DNAH11: variants seen among roughly 807,000 people sequenced by gnomAD.
DNAH11 encodes the protein dynein axonemal heavy chain 11.
DNAH11 carries 442 observed loss-of-function variants against 526.0 expected under a neutral mutation model. That is an observed-to-expected ratio of 0.84 (90% CI 0.78 to 0.91). DNAH11 has a LOEUF of 0.91. DNAH11 is among the 40% of genes least tolerant of loss of function. DNAH11 has a pLI of 0.00. For missense variants in DNAH11, 6,989 were observed against 5,448.7 expected (o/e 1.28, Z -8.90); for synonymous variants, 2,461 against 1,935.9 (o/e 1.27, Z -7.12).
chr7:21,744,308 G>A (rs1232058030), intron 49 of DNAH11, 130 bp from the exon 50 acceptor site: 8 of 1,024,892 alleles, frequency 7.8e-6, no homozygotes, highest in African/African-American at 3.2e-5. Context: ...ACACGAACAC[G>A]CACATTACTA....
At chr7:21,779,481 T>A (rs1468574561) in intron 57 of DNAH11, among the ~76,000 whole-genome samples, 1 of 152,184 alleles carries the variant, frequency 6.6e-6, no homozygotes, top group African/African-American at 2.4e-5. Context: ...CAAAGCCCAT[T>A]CCGTCACTTT....
At chr7:21,834,050 A>G (rs1466863692) in intron 65 of DNAH11, among the ~76,000 whole-genome samples, 2 of 152,206 alleles carry the variant, frequency 1.3e-5, no homozygotes, top group African/African-American at 4.8e-5. Context: ...CAGAATATAT[A>G]TTCTTCTCAT....
chr7:21,721,058 C>T (rs1314550515), intron 44 of DNAH11, among the ~76,000 whole-genome samples: 2 of 152,132 alleles, frequency 1.3e-5, no homozygotes, highest in Admixed American at 6.5e-5. Context: ...AAATCCATAC[C>T]CTCCAGCCTG....
chr7:21,616,992 T>C (rs1346161935), intron 22 of DNAH11, among the ~76,000 whole-genome samples: 1 of 152,186 alleles, frequency 6.6e-6, no homozygotes, highest in South Asian at 2.1e-4. Context: ...ATTATGCCAG[T>C]CCCAAAGACC....
At chr7:21,553,485 A>T (rs970890691) in intron 2 of DNAH11, among the ~76,000 whole-genome samples, 1 of 152,074 alleles carries the variant, frequency 6.6e-6, no homozygotes, top group Non-Finnish European at 1.5e-5. Flanking sequence ...ATCAACCAAA[A>T]ATGTCACTTC....
rs1783901380 is a variant in DNAH11, at chr7:21,880,897, A to C, written c.12387+4A>C. 2.1e-5 allele frequency: 33 copies of C among 1,595,108 alleles called. No homozygotes were observed. Among genetic ancestry groups the C allele is most frequent in the Non-Finnish European group, 2.6e-5 (30 of 1,174,832 alleles). ...CTACTTAGAGGCAAACTCTAAAGTA[A>C]GTGCTAGTGGTCAAATAACCTCTTC... is the stretch of plus-strand genomic sequence containing the variant. On this transcript the variant is annotated splice_donor_region_variant and intron_variant, in intron 75 of 81. Transcript: ENST00000409508.
At chr7:21,646,336 C>G (rs928361451) in intron 28 of DNAH11, among the ~76,000 whole-genome samples, 1 of 152,178 alleles carries the variant, frequency 6.6e-6, no homozygotes, top group African/African-American at 2.4e-5. Context: ...TTTCTAGACG[C>G]TGGACATCAG....
At chr7:21,733,877 G>T (rs906226217) in intron 45 of DNAH11, among the ~76,000 whole-genome samples, 3 of 152,090 alleles carry the variant, frequency 2.0e-5, no homozygotes, top group African/African-American at 7.2e-5. Context: ...ACAAAAAGAA[G>T]AAATATATCC....
intron 66 of DNAH11, among the ~76,000 whole-genome samples, chr7:21,844,131 C>T (rs1351834209): frequency 6.6e-6 from 1 of 152,184 alleles, no homozygotes; most frequent in African/African-American, 2.4e-5. Context: ...AAAACACAGC[C>T]ATGGCCAAAC....
At chr7:21,650,181 C>G (rs1298486926) in intron 28 of DNAH11, among the ~76,000 whole-genome samples, 1 of 151,854 alleles carries the variant, frequency 6.6e-6, no homozygotes, top group African/African-American at 2.4e-5. Flanking sequence ...AAAGAAACAC[C>G]AAATCAACCT....
At chr7:21,728,719 A>T (rs997635333) in intron 45 of DNAH11, among the ~76,000 whole-genome samples, 3 of 152,248 alleles carry the variant, frequency 2.0e-5, no homozygotes, top group South Asian at 4.1e-4. Context: ...TGAACTTACA[A>T]AACCAGAGAA....
intron 69 of DNAH11, among the ~76,000 whole-genome samples, chr7:21,864,184 C>A (rs1019294116): frequency 1.5e-4 from 23 of 152,264 alleles, no homozygotes; most frequent in Admixed American, 9.8e-4. Flanking sequence ...GTAATTTAAT[C>A]CATTGTCACT....
intron 42 of DNAH11, among the ~76,000 whole-genome samples, chr7:21,713,256 C>G (rs543338899): frequency 5.3e-5 from 8 of 152,146 alleles, no homozygotes; most frequent in African/African-American, 1.9e-4. Context: ...TCTGGACACA[C>G]ACTCCATCCT....
chr7:21,864,462 A>C, intron 69 of DNAH11, 73 bp from the exon 70 acceptor site: 1 of 1,503,966 alleles, frequency 6.6e-7, no homozygotes, highest in Non-Finnish European at 9.0e-7. Flanking sequence ...TGTCTGTTAA[A>C]TGTGTGACTA....
chr7:21,863,430 C>T (rs769246858), intron 69 of DNAH11, among the ~76,000 whole-genome samples: 21 of 152,106 alleles, frequency 1.4e-4, no homozygotes, highest in African/African-American at 3.4e-4. Context: ...CAGGTTCAAG[C>T]GATTCTTCTG....
At chr7:21,676,494 A>G (rs1365528078) in intron 30 of DNAH11, among the ~76,000 whole-genome samples, 1 of 152,230 alleles carries the variant, frequency 6.6e-6, no homozygotes, top group African/African-American at 2.4e-5. Context: ...CTGTGGGTAC[A>G]GAATTTTATT....
chr7:21,780,437 C>A (rs75273231), intron 57 of DNAH11, among the ~76,000 whole-genome samples: 1 of 152,156 alleles, frequency 6.6e-6, no homozygotes, highest in East Asian at 1.9e-4. Flanking sequence ...TTAGGTATCA[C>A]ACATGATACA....
Position 21,764,347 on chromosome 7 carries a change from TA to T in DNAH11, c.8941-1073del, listed in dbSNP as rs920149822. Among the ~76,000 whole-genome samples, 448 of 152,052 alleles carry T rather than the reference TA, an allele frequency of 2.9e-3. 3 individuals are homozygous for T. The highest frequency in any genetic ancestry group is 4.9e-3 in the Non-Finnish European group (331 of 67,958). ...ACATGGATTTTTTAAATGCTATAGG[TA>T]AAAAAAATCACATCCTTTGAAAAAT... On this transcript the variant is annotated intron_variant, in intron 54 of 81. Transcript: ENST00000409508.
intron 71 of DNAH11, among the ~76,000 whole-genome samples, chr7:21,867,558 C>T (rs951059206): frequency 6.6e-5 from 10 of 151,956 alleles, no homozygotes; most frequent in African/African-American, 2.4e-4. Flanking sequence ...GGGAATCTGG[C>T]AGGGGATTTG....
Sources: gnomAD v4.1 joint callset for allele counts (sites outside exome capture counted in the v4.1 genomes callset) on GRCh38, gnomAD v4.1.1 for gene constraint, MANE v1.5 for transcripts, NCBI Gene and HGNC (gene_info 2026-07-23, HGNC 2026-07-21) for gene names.